Variants in CMIP observed in about 807,000 individuals in gnomAD.
The protein encoded by CMIP is C-Maf-inducing protein.
A neutral mutation model predicts 97.3 loss-of-function variants in CMIP; 13 were observed. The observed-to-expected ratio is 0.13, with a 90% confidence interval of 0.09 to 0.21. The LOEUF is 0.21. Among genes scored for constraint, CMIP ranks in the 10% least tolerant of loss-of-function variants. The pLI, the probability that CMIP is intolerant of heterozygous loss-of-function variation, is 1.00. For missense variants in CMIP, 847 were observed against 1,024.9 expected, an observed-to-expected ratio of 0.83 and a Z score of 2.37; for synonymous variants, 538 against 436.3, an observed-to-expected ratio of 1.23 and a Z score of -2.91.
At chr16:81,487,102 G>T (rs935194155) in intron 1 of CMIP, among the ~76,000 whole-genome samples, 1 of 152,058 alleles carries the variant, frequency 6.6e-6, no homozygotes, top group Non-Finnish European at 1.5e-5. Context: ...GCTGTGCTTG[G>T]CCTCTGGTCA....
intron 17 of CMIP, 112 bp downstream of exon 17, chr16:81,702,781 G>C: frequency 1.1e-6 from 1 of 925,226 alleles, no homozygotes; most frequent in Non-Finnish European, 1.7e-6. Context: ...GGAGGGCGGG[G>C]CACAAGGACC....
At chr16:81,640,738 A>ATGTGTGTGTGTG (rs751455480) in intron 3 of CMIP, among the ~76,000 whole-genome samples, 196 of 139,006 alleles carry the variant, frequency 1.4e-3, no homozygotes, top group African/African-American at 3.7e-3. Context: ...TCTCTGGAGC[A>ATGTGTGTGTGTG]TGTGTGTGTG....
chr16:81,647,588 A>T (rs2092377965), intron 3 of CMIP, among the ~76,000 whole-genome samples: 1 of 152,000 alleles, frequency 6.6e-6, no homozygotes, highest in Non-Finnish European at 1.5e-5. Context: ...TGCTAGACAA[A>T]CCACCAGGCC....
chr16:81,537,140 A>C (rs1017828542), intron 1 of CMIP, among the ~76,000 whole-genome samples: 1 of 152,194 alleles, frequency 6.6e-6, no homozygotes, highest in Non-Finnish European at 1.5e-5. Flanking sequence ...GACTCAGAGC[A>C]GGGTCCCCCC....
At chr16:81,466,085 G>C (rs150953817) in intron 1 of CMIP, among the ~76,000 whole-genome samples, 1 of 151,718 alleles carries the variant, frequency 6.6e-6, no homozygotes, top group Non-Finnish European at 1.5e-5. Flanking sequence ...TTTTGAGGTA[G>C]GGTCTCGCCC....
intron 3 of CMIP, chr16:81,622,265 A>G (rs986653486): frequency 6.6e-5 from 10 of 152,132 alleles, no homozygotes; most frequent in African/African-American, 2.2e-4. Flanking sequence ...AAATTTCTGA[A>G]TGTAGTAGAG....
intron 1 of CMIP, among the ~76,000 whole-genome samples, chr16:81,595,676 A>G (rs1484494632): frequency 6.6e-6 from 1 of 152,172 alleles, no homozygotes; most frequent in Non-Finnish European, 1.5e-5. Flanking sequence ...GGCATGAGCC[A>G]CCACGCCTAG....
intron 3 of CMIP, among the ~76,000 whole-genome samples, chr16:81,626,523 GGT>G (rs1224952318): frequency 5.4e-5 from 8 of 149,320 alleles, no homozygotes; most frequent in Non-Finnish European, 4.5e-5. Context: ...GTGTGTGTGT[GGT>G]GTGTGGGGTG....
At chr16:81,659,726 A>G (rs1174996011) in intron 5 of CMIP, among the ~76,000 whole-genome samples, 2 of 152,230 alleles carry the variant, frequency 1.3e-5, no homozygotes, top group Non-Finnish European at 2.9e-5. Flanking sequence ...TGAGAAATCC[A>G]GGCTGCATTT....
intron 1 of CMIP, chr16:81,476,468 C>T (rs942656364): frequency 1.2e-6 from 1 of 803,542 alleles, no homozygotes; most frequent in Non-Finnish European, 2.2e-6. Context: ...GAGATGCGGC[C>T]CAAGGGCTCG....
chr16:81,674,667 C>T (rs1000511740), intron 9 of CMIP, among the ~76,000 whole-genome samples: 31 of 152,044 alleles, frequency 2.0e-4, no homozygotes, highest in African/African-American at 7.2e-4. Context: ...CTCACTACAG[C>T]CTCCACCTCC....
At chr16:81,478,530 A>C (rs1411647152) in intron 1 of CMIP, among the ~76,000 whole-genome samples, 1 of 152,164 alleles carries the variant, frequency 6.6e-6, no homozygotes, top group Non-Finnish European at 1.5e-5. Flanking sequence ...AAGCACATTC[A>C]TGGAATTCCA....
At chr16:81,518,407 G>A (rs1597496925) in intron 1 of CMIP, 1 of 152,284 alleles carries the variant, frequency 6.6e-6, no homozygotes, top group Non-Finnish European at 1.5e-5. Context: ...TCACCTGTCT[G>A]GGGAAGAACA....
intron 1 of CMIP, among the ~76,000 whole-genome samples, chr16:81,582,505 A>C (rs1404802207): frequency 6.6e-6 from 1 of 152,154 alleles, no homozygotes; most frequent in Non-Finnish European, 1.5e-5. Context: ...CTGGGTTTTC[A>C]GTTGTAAGGA....
Position 81,607,602 on chromosome 16 carries a change from C to A in CMIP, c.336C>A (p.Ser112Arg). Residue 112 changes from serine to arginine, a missense_variant, in exon 2 of 21, where the codon AGC becomes AGA. Ser to Arg is a moderately radical substitution (Grantham distance 110, BLOSUM62 -1). This residue lies in a region of CMIP where 285 missense variants were observed against 392.2 expected (regional missense o/e 0.73). Coordinates refer to ENST00000537098, the MANE Select transcript of CMIP (RefSeq NM_198390.3). The part of the protein sequence containing the change: ...TGYMENSVSY[S>R]AIEDVQLLSW... ...ACATGGAAAACTCAGTCTCCTACAG[C>A]GCAATTGAAGACGTTCAGCTGCTGT... The A allele has an allele frequency of 1.9e-6, 3 of 1,613,998 alleles. No individual in the cohort carries two copies. Among genetic ancestry groups the A allele is most frequent in the Non-Finnish European group, 2.5e-6 (3 of 1,179,890 alleles).
At chr16:81,672,167 G>A in intron 9 of CMIP, 97 bp downstream of exon 9, 2 of 696,784 alleles carry the variant, frequency 2.9e-6, no homozygotes. Flanking sequence ...AGGCCAGAGA[G>A]GTGGAGTGGC....
At chr16:81,703,843 A>C (rs1182725471) in intron 17 of CMIP, 96 bp from the exon 18 acceptor site, 8 of 1,448,600 alleles carry the variant, frequency 5.5e-6, no homozygotes, top group Non-Finnish European at 7.3e-6. Flanking sequence ...AGCTCTCTGT[A>C]GGGCGAGGGG....
chr16:81,668,098 G>GA (rs2092630242), intron 7 of CMIP, among the ~76,000 whole-genome samples: 1 of 152,132 alleles, frequency 6.6e-6, no homozygotes, highest in South Asian at 2.1e-4. Context: ...AGTTAGACCT[G>GA]AGGGGGGTCT....
chr16:81,551,142 A>G (rs1044542853), intron 1 of CMIP, among the ~76,000 whole-genome samples: 33 of 142,474 alleles, frequency 2.3e-4, no homozygotes, highest in African/African-American at 8.2e-4. Flanking sequence ...CCCCAGTTCC[A>G]TCACACACAC....
Sources: gnomAD v4.1 joint callset for allele counts (sites outside exome capture counted in the v4.1 genomes callset) on GRCh38, gnomAD v4.1.1 for gene constraint, gnomAD v4.1.1 regional missense constraint, MANE v1.5 for transcripts, NCBI Gene and HGNC (gene_info 2026-07-23, HGNC 2026-07-21) for gene names.